The following KCND2 variants were observed in gnomAD, a reference collection of about 807,000 sequenced individuals.
The protein encoded by KCND2 is A-type voltage-gated potassium channel KCND2.
A neutral mutation model predicts 54.4 loss-of-function variants in KCND2; 16 were observed. The ratio of observed to expected loss-of-function variants is 0.29; its 90% CI spans 0.20 to 0.45. The LOEUF is 0.45. KCND2 is among the 20% of genes least tolerant of loss of function. KCND2 has a pLI of 1.00. For synonymous variants in KCND2, 317 were observed against 310.7 expected, an observed-to-expected ratio of 1.02 and a Z score of -0.21; for missense variants, 486 against 824.2, an observed-to-expected ratio of 0.59 and a Z score of 5.02.
intron 1 of KCND2, among the ~76,000 whole-genome samples, chr7:120,413,769 A>G (rs1049060383): frequency 3.3e-5 from 5 of 152,018 alleles, no homozygotes; most frequent in African/African-American, 9.7e-5. Flanking sequence ...TCCTAACTGC[A>G]TATTTTAAAT....
intron 1 of KCND2, among the ~76,000 whole-genome samples, chr7:120,648,979 G>T (rs1188391103): frequency 6.6e-6 from 1 of 152,070 alleles, no homozygotes; most frequent in Non-Finnish European, 1.5e-5. Context: ...CACTAGTAAA[G>T]TATTTGCATA....
At chr7:120,740,731 GAC>G (rs906885978) in intron 2 of KCND2, 106 of 400,878 alleles carry the variant, frequency 2.6e-4, no homozygotes, top group East Asian at 5.5e-4. Context: ...ATTCTCTACA[GAC>G]ACACACACAC....
intron 1 of KCND2, among the ~76,000 whole-genome samples, chr7:120,675,455 T>C (rs1584879231): frequency 6.6e-6 from 1 of 151,914 alleles, no homozygotes; most frequent in East Asian, 1.9e-4. Flanking sequence ...GCCAGGCTGG[T>C]CTCAAACTCC....
chr7:120,663,713 C>G (rs539732886), intron 1 of KCND2, among the ~76,000 whole-genome samples: 1 of 152,244 alleles, frequency 6.6e-6, no homozygotes, highest in African/African-American at 2.4e-5. Context: ...TGTAATACGA[C>G]ATATGTTTCT....
intron 1 of KCND2, among the ~76,000 whole-genome samples, chr7:120,349,129 A>C (rs1433054917): frequency 1.3e-5 from 2 of 152,158 alleles, no homozygotes. Context: ...TACTACTTGC[A>C]ATTGCCACTT....
intron 1 of KCND2, among the ~76,000 whole-genome samples, chr7:120,282,985 AG>A (rs1345616997): frequency 6.6e-6 from 1 of 152,224 alleles, no homozygotes; most frequent in East Asian, 1.9e-4. Context: ...AATGCCACGT[AG>A]AGATGAGTGC....
At chr7:120,567,397 C>T (rs1279746578) in intron 1 of KCND2, among the ~76,000 whole-genome samples, 1 of 152,060 alleles carries the variant, frequency 6.6e-6, no homozygotes, top group African/African-American at 2.4e-5. Context: ...CCTTGTGTGT[C>T]TTTATTGTTT....
At chr7:120,650,120 C>G (rs1791710876) in intron 1 of KCND2, among the ~76,000 whole-genome samples, 1 of 150,366 alleles carries the variant, frequency 6.7e-6, no homozygotes, top group South Asian at 2.1e-4. Flanking sequence ...CGAGGAGTAT[C>G]TTTGTGGCAT....
At chr7:120,649,772 T>C (rs1339381584) in intron 1 of KCND2, among the ~76,000 whole-genome samples, 1 of 152,200 alleles carries the variant, frequency 6.6e-6, no homozygotes, top group Non-Finnish European at 1.5e-5. Context: ...CCTTTCCATG[T>C]TTAGTGCTTC....
intron 1 of KCND2, among the ~76,000 whole-genome samples, chr7:120,397,985 GTGTGTGTGTGTA>G (rs1488415752): frequency 3.0e-4 from 11 of 36,902 alleles, no homozygotes; most frequent in Non-Finnish European, 5.8e-4. Flanking sequence ...GTGTGTGTGT[GTGTGTGTGTGTA>G]TATATATATA....
chr7:120,737,075 C>CACACAAAAAAA (rs1339876894), intron 2 of KCND2, among the ~76,000 whole-genome samples: 1 of 112,974 alleles, frequency 8.9e-6, no homozygotes, highest in African/African-American at 3.7e-5. Flanking sequence ...CACACACACA[C>CACACAAAAAAA]AAACAAAAAA....
At chr7:120,741,476 A>G in intron 2 of KCND2, 58 bp from the exon 3 acceptor site, 1 of 1,161,960 alleles carries the variant, frequency 8.6e-7, no homozygotes, top group Non-Finnish European at 1.3e-6. Flanking sequence ...GGGTTCATTC[A>G]CTGTTTTAAG....
At chr7:120,568,132 C>T (rs1369885876) in intron 1 of KCND2, among the ~76,000 whole-genome samples, 1 of 151,930 alleles carries the variant, frequency 6.6e-6, no homozygotes, top group Non-Finnish European at 1.5e-5. Context: ...AGAGGAACTA[C>T]ATTTAATGAC....
chr7:120,365,987 T>C (rs1313949422), intron 1 of KCND2, among the ~76,000 whole-genome samples: 1 of 152,102 alleles, frequency 6.6e-6, no homozygotes, highest in Admixed American at 6.6e-5. Flanking sequence ...GAAAAAACTT[T>C]GAGGGGGTGG....
chr7:120,335,687 G>A (rs188350647), intron 1 of KCND2, among the ~76,000 whole-genome samples: 2,557 of 151,878 alleles, frequency 0.017, 36 homozygotes, highest in Middle Eastern at 0.037. Flanking sequence ...GGGTTTCACC[G>A]TGTTAGCCAG....
chr7:120,364,976 A>T (rs2116406027), intron 1 of KCND2, among the ~76,000 whole-genome samples: 1 of 152,220 alleles, frequency 6.6e-6, no homozygotes, highest in South Asian at 2.1e-4. Flanking sequence ...AAAATAGAAA[A>T]GTTATCCATT....
At chr7:120,382,083 A>T (rs1800924394) in intron 1 of KCND2, among the ~76,000 whole-genome samples, 1 of 151,926 alleles carries the variant, frequency 6.6e-6, no homozygotes, top group East Asian at 1.9e-4. Flanking sequence ...AGTTTGAAAA[A>T]CATATAGCTT....
intron 1 of KCND2, among the ~76,000 whole-genome samples, chr7:120,316,956 C>T (rs898410795): frequency 6.6e-6 from 1 of 152,012 alleles, no homozygotes; most frequent in African/African-American, 2.4e-5. Context: ...CTGCCCCAGC[C>T]TCCAGAGTAG....
At chr7:120,438,913 A>T (rs1270129615) in intron 1 of KCND2, among the ~76,000 whole-genome samples, 1 of 152,122 alleles carries the variant, frequency 6.6e-6, no homozygotes, top group Non-Finnish European at 1.5e-5. Flanking sequence ...ACATTCATGA[A>T]TTACTTAATT....
Sources: allele counts gnomAD v4.1 joint callset (sites outside exome capture counted in the v4.1 genomes callset), GRCh38; gene constraint gnomAD v4.1.1; transcripts MANE v1.5; gene names NCBI Gene and HGNC (gene_info 2026-07-23, HGNC 2026-07-21).